Variants in PDE1C observed in about 807,000 individuals in gnomAD.
PDE1C encodes dual specificity calcium/calmodulin-dependent 3',5'-cyclic nucleotide phosphodiesterase 1C.
Under a neutral mutation model 93.1 loss-of-function variants are expected in PDE1C, and 62 were observed. The ratio of observed to expected loss-of-function variants is 0.67; its 90% confidence interval spans 0.54 to 0.82. PDE1C has a LOEUF of 0.82. PDE1C is among the 40% of genes least tolerant of loss of function. The pLI, the probability that PDE1C is intolerant of heterozygous loss-of-function variation, is 0.00. For missense variants in PDE1C, 742 were observed against 884.6 expected, an observed-to-expected ratio of 0.84 and a Z score of 2.04; for synonymous variants, 325 against 310.1, an observed-to-expected ratio of 1.05 and a Z score of -0.50.
At chr7:32,060,293 CT>C (rs1794657579) in intron 1 of PDE1C, among the ~76,000 whole-genome samples, 2 of 152,274 alleles carry the variant, frequency 1.3e-5, no homozygotes, top group South Asian at 4.1e-4. Flanking sequence ...TGCAGTGTTC[CT>C]TCCCTCTCCC....
chr7:31,646,588 C>A, the PDE1C span, among the ~76,000 whole-genome samples: 3 of 152,148 alleles, frequency 2.0e-5, no homozygotes, highest in African/African-American at 7.2e-5. Context: ...TCTTCTTATT[C>A]CTCCTTCCTA....
the PDE1C span, among the ~76,000 whole-genome samples, chr7:31,650,325 C>A: frequency 2.7e-4 from 41 of 152,288 alleles, no homozygotes; most frequent in East Asian, 7.7e-3. Context: ...AGGTTAAGGT[C>A]ATCCCAGGGA....
At chr7:31,642,853 C>A in the PDE1C span, 1 of 1,614,000 alleles carries the variant, frequency 6.2e-7, no homozygotes, top group Non-Finnish European at 8.5e-7. Flanking sequence ...TGCCTTGGAA[C>A]AAAGGGCCTC....
intron 3 of PDE1C, among the ~76,000 whole-genome samples, chr7:32,132,716 C>A (rs1349488679): frequency 6.6e-6 from 1 of 151,978 alleles, no homozygotes; most frequent in Non-Finnish European, 1.5e-5. Flanking sequence ...AGTTGCTACC[C>A]AGAAAATTGT....
rs184071834 is a variant in PDE1C at position 31,967,679 on chromosome 7, T to C, written c.128+83875A>G. Among the ~76,000 whole-genome samples, 1,253 of 152,280 alleles carry C rather than the reference T, an allele frequency of 8.2e-3. 12 individuals are homozygous for C. The highest frequency in any genetic ancestry group is 0.029 in the African/African-American group (1,195 of 41,554). Reference sequence around the variant, plus strand: ...CAAACAAGAGAATTTTAGACCAATATCCTTGATGAACATTGATGAAAATTC... The same window carrying C: ...CAAACAAGAGAATTTTAGACCAATACCCTTGATGAACATTGATGAAAATTC... On this transcript the variant is annotated intron_variant, in intron 2 of 17. Coordinates refer to ENST00000396191, the MANE Select transcript of PDE1C (RefSeq NM_001191057.4).
At chr7:31,905,541 T>A (rs559870201) in intron 2 of PDE1C, among the ~76,000 whole-genome samples, 1 of 152,320 alleles carries the variant, frequency 6.6e-6, no homozygotes, top group African/African-American at 2.4e-5. Context: ...ATGGAAACTA[T>A]ACAATTTAAT....
the PDE1C span, among the ~76,000 whole-genome samples, chr7:31,699,274 G>A: frequency 8.2e-4 from 125 of 152,214 alleles, no homozygotes; most frequent in Non-Finnish European, 1.2e-3. Context: ...TGAGTCAACT[G>A]TGATGGCCCA....
chr7:31,995,849 G>A (rs1305118300), intron 2 of PDE1C, among the ~76,000 whole-genome samples: 1 of 152,088 alleles, frequency 6.6e-6, no homozygotes, highest in Admixed American at 6.5e-5. Context: ...AAATGCCTTT[G>A]TATTTGTTGA....
chr7:32,374,233 A>AGAGG (rs1784386204), intron 1 of PDE1C, among the ~76,000 whole-genome samples: 16 of 146,154 alleles, frequency 1.1e-4, no homozygotes, highest in African/African-American at 3.8e-4. Context: ...AGAAAGAAAA[A>AGAGG]GAAAGAAGGA....
At chr7:32,135,844 T>G (rs1165540612) in intron 3 of PDE1C, among the ~76,000 whole-genome samples, 2 of 152,194 alleles carry the variant, frequency 1.3e-5, no homozygotes, top group East Asian at 3.8e-4. Flanking sequence ...CATTCTTCAC[T>G]ACAGCCAAGA....
intron 2 of PDE1C, among the ~76,000 whole-genome samples, chr7:32,024,297 T>C (rs1207018714): frequency 6.6e-6 from 1 of 151,704 alleles, no homozygotes; most frequent in Non-Finnish European, 1.5e-5. Context: ...ATGTCTGAAG[T>C]TTTCAATATA....
intron 1 of PDE1C, among the ~76,000 whole-genome samples, chr7:32,392,663 T>C (rs1034341462): frequency 5.9e-5 from 9 of 152,250 alleles, no homozygotes; most frequent in Non-Finnish European, 1.2e-4. Flanking sequence ...TGTAGTATGC[T>C]ATATTAATAG....
chr7:32,192,292 C>T (rs1343357589), intron 2 of PDE1C, among the ~76,000 whole-genome samples: 1 of 151,922 alleles, frequency 6.6e-6, no homozygotes, highest in African/African-American at 2.4e-5. Flanking sequence ...GTCCTAAGTC[C>T]CAAAGATTTT....
At chr7:32,305,661 C>T (rs940526902) in intron 1 of PDE1C, among the ~76,000 whole-genome samples, 4 of 152,200 alleles carry the variant, frequency 2.6e-5, no homozygotes, top group African/African-American at 9.7e-5. Context: ...ACCCTCTTTC[C>T]AGCTGTCCCT....
intron 9 of PDE1C, among the ~76,000 whole-genome samples, chr7:31,840,935 T>C (rs1791781541): frequency 6.6e-6 from 1 of 152,078 alleles, no homozygotes; most frequent in South Asian, 2.1e-4. Flanking sequence ...CCAACATAAT[T>C]CTGCTGGAAT....
At chr7:31,809,132 C>T (rs765261934) in intron 15 of PDE1C, 24 bp from the exon 16 acceptor site, 6 of 1,329,280 alleles carry the variant, frequency 4.5e-6, no homozygotes. Flanking sequence ...ACATGACAAA[C>T]AGTATATGTA....
chr7:31,944,759 A>G (rs147489539), intron 2 of PDE1C, among the ~76,000 whole-genome samples: 114 of 152,284 alleles, frequency 7.5e-4, no homozygotes, highest in African/African-American at 2.6e-3. Context: ...TAAAAATTAC[A>G]TTTTTAGTTT....
At chr7:32,044,666 A>G (rs1792283133) in intron 2 of PDE1C, among the ~76,000 whole-genome samples, 1 of 152,170 alleles carries the variant, frequency 6.6e-6, no homozygotes, top group African/African-American at 2.4e-5. Context: ...GTGAAGGAAA[A>G]GCCCACAATC....
intron 16 of PDE1C, among the ~76,000 whole-genome samples, chr7:31,801,835 A>C (rs1050860442): frequency 5.3e-5 from 8 of 151,410 alleles, no homozygotes; most frequent in African/African-American, 1.9e-4. Context: ...CAGTATACCA[A>C]TTTAAAACCT....
Sources: gnomAD v4.1 joint callset for allele counts (sites outside exome capture counted in the v4.1 genomes callset) on GRCh38, gnomAD v4.1.1 for gene constraint, MANE v1.5 for transcripts, NCBI Gene and HGNC (gene_info 2026-07-23, HGNC 2026-07-21) for gene names.